YY1: variants seen among roughly 807,000 people sequenced by gnomAD.
YY1 encodes transcriptional repressor protein YY1.
A neutral mutation model predicts 35.6 loss-of-function variants in YY1; 2 were observed. The observed-to-expected ratio is 0.06, with a 90% confidence interval of 0.02 to 0.18. The LOEUF is 0.18. YY1 is among the 10% of genes least tolerant of loss of function. YY1 has a pLI of 1.00. For missense variants in YY1, 322 were observed against 573.4 expected, an observed-to-expected ratio of 0.56 and a Z score of 4.48; for synonymous variants, 268 against 238.9, an observed-to-expected ratio of 1.12 and a Z score of -1.12.
At chr14:100,258,361 C>T (rs545485899) in intron 1 of YY1, among the ~76,000 whole-genome samples, 1 of 152,112 alleles carries the variant, frequency 6.6e-6, no homozygotes, top group Non-Finnish European at 1.5e-5. Context: ...TATTTCCTGT[C>T]TCTTTTTCGG....
rs779865989 is a variant in YY1 at position 100,240,443 on chromosome 14, G to T, written c.679+520G>T. ...CATCGGCCGCTGGAGGGCGCCGCGG[G>T]CGCTTGCCCCGCCCGCCCCCAACTT... On this transcript the variant is annotated intron_variant, in intron 1 of 4. Coordinates refer to ENST00000262238, the MANE Select transcript of YY1 (RefSeq NM_003403.5). Among the ~76,000 whole-genome samples, 23 of 151,950 alleles carry T rather than the reference G, an allele frequency of 1.5e-4. No individual in the cohort carries two copies. The Middle Eastern group carries it at 0.01, about 68-fold the overall frequency.
chr14:100,251,772 C>T (rs1890928874), intron 1 of YY1, among the ~76,000 whole-genome samples: 2 of 152,134 alleles, frequency 1.3e-5, no homozygotes, highest in South Asian at 4.1e-4. Context: ...CCTCCCCTCC[C>T]CTCCCTTTGC....
chr14:100,255,024 A>G (rs1595320322), intron 1 of YY1, among the ~76,000 whole-genome samples: 1 of 126,946 alleles, frequency 7.9e-6, no homozygotes, highest in African/African-American at 3.1e-5. Flanking sequence ...GTCTCAAACT[A>G]CTGACCTCGT....
At chr14:100,258,425 T>C (rs1276889025) in intron 1 of YY1, among the ~76,000 whole-genome samples, 1 of 152,228 alleles carries the variant, frequency 6.6e-6, no homozygotes, top group Non-Finnish European at 1.5e-5. Context: ...ATAGTCTTCA[T>C]CTGTGAATGG....
Position 100,239,811 on chromosome 14 carries a change from GGCCGGCGCGGCGGGCGGCGGC to G in YY1, c.569_589del (p.Ala190_Gly196del), listed in dbSNP as rs748311304. 6.7e-7 allele frequency: 1 copy of G among 1,497,908 alleles called. No individual in the cohort carries two copies. The highest frequency in any genetic ancestry group is 1.3e-5 in the South Asian group (1 of 78,178). The allele number at this position is 1,497,908 out of a possible 1,614,324, so 92.8% of individuals were successfully genotyped here. ...GCAAGAAGAGTTACCTCAGCGGCGGGGCCGGCGCGGCGGGCGGCGGCGGCGCCGACCCGGGCAACAAGAAGT... is the reference window on the plus strand; with the variant it reads ...GCAAGAAGAGTTACCTCAGCGGCGGGGGCGCCGACCCGGGCAACAAGAAGT... On this transcript the variant is annotated inframe_deletion, in exon 1 of 5. Transcript: ENST00000262238.
rs1891350369 is a variant in YY1, at chr14:100,278,059, T to G, written c.*459T>G. On this transcript the variant is annotated 3_prime_UTR_variant, in exon 5 of 5. Transcript: ENST00000262238. ...TGCTACGTGTGATTTTTCTGGAGGT[T>G]GATAACTTTGCTTGCAGTAGATTTT... The G allele has an allele frequency of 1.3e-5, 2 of 157,464 alleles. No individual in the cohort carries two copies. Among genetic ancestry groups the G allele is most frequent in the African/African-American group, 4.8e-5 (2 of 41,488 alleles). The allele number at this position is 157,464 out of a possible 1,614,324, so 9.8% of individuals were successfully genotyped here. A position where few individuals can be genotyped will look rare whatever the true frequency, so the allele number is the denominator to read the frequency against.
At chr14:100,249,948 T>A (rs1243646923) in intron 1 of YY1, among the ~76,000 whole-genome samples, 1 of 151,936 alleles carries the variant, frequency 6.6e-6, no homozygotes, top group African/African-American at 2.4e-5. Flanking sequence ...TAATTTTGTA[T>A]TTTTAGTAGA....
At position 100,239,568 on chromosome 14, in the gene YY1, G is replaced by A. The variant is rs998663917; in HGVS notation, c.324G>A (p.Thr108=). 1.2e-6 allele frequency: 2 copies of A among 1,612,624 alleles called. No individual in the cohort carries two copies. The highest frequency in any genetic ancestry group is 1.7e-5 in the Admixed American group (1 of 59,994). The part of the protein sequence containing the change: ...HHHQEVILVQ[T]REEVVGGDDS... ...ACCAGGAGGTGATCCTGGTGCAGAC[G>A]CGCGAGGAGGTGGTGGGCGGCGACG... is the stretch of plus-strand genomic sequence containing the variant. The change falls in exon 1 of 5, where the codon ACG becomes ACA. Residue 108 remains threonine (T), a synonymous_variant. Transcript: ENST00000262238.
At chr14:100,270,234 G>T (rs1435145587) in intron 2 of YY1, among the ~76,000 whole-genome samples, 1 of 118,324 alleles carries the variant, frequency 8.5e-6, no homozygotes, top group Non-Finnish European at 1.6e-5. Flanking sequence ...CTGCACTCCA[G>T]CCTGGGCGAC....
In YY1 at chr14:100,248,679, C is replaced by CTTT. The variant is rs11415073; in HGVS notation, c.679+8777_679+8779dup. ...CATTCCACCCAGCTTGAGTAAAATTCTTTTTTTTTTTTTTTTTTTTTTTAT... is the reference window on the plus strand; with the variant it reads ...CATTCCACCCAGCTTGAGTAAAATTCTTTTTTTTTTTTTTTTTTTTTTTTTTAT... On this transcript the variant is annotated intron_variant, in intron 1 of 4. Transcript: ENST00000262238. Among the ~76,000 whole-genome samples the CTTT allele has an allele frequency of 9.8e-3, 1,033 of 104,950 alleles. 16 individuals carry two copies. The highest frequency in any genetic ancestry group is 0.031 in the African/African-American group (852 of 27,246). 68.9% of individuals were successfully genotyped at this position (104,950 alleles called of 152,430 possible).
Position 100,276,155 on chromosome 14 carries a change from G to T in YY1, c.904-335G>T. 2.5e-5 allele frequency: 9 copies of T among 359,546 alleles called. No homozygotes were observed. The highest frequency in any genetic ancestry group is 2.1e-4 in the South Asian group (9 of 42,134). 22.3% of individuals were successfully genotyped at this position (359,546 alleles called of 1,614,324 possible). ...TTCATTTTGGGGGACATAGTCGGGT[G>T]AGGTGGCTGTGGTAGAGCTGGAAGC... On this transcript the variant is annotated intron_variant, in intron 3 of 4. Coordinates refer to ENST00000262238, the MANE Select transcript of YY1 (RefSeq NM_003403.5). This position sits in a 1 kb window ranked among gnomAD's most constrained non-coding sequence, Gnocchi z 4.1.
intron 1 of YY1, among the ~76,000 whole-genome samples, chr14:100,243,165 G>C (rs1890776839): frequency 6.6e-6 from 1 of 152,196 alleles, no homozygotes; most frequent in Admixed American, 6.6e-5. Flanking sequence ...CTTCAGAACT[G>C]AAATGACGTG....
rs1455197825 is a variant in YY1, at chr14:100,280,312, CAT to C, written c.*2715_*2716del. The C allele has an allele frequency of 6.6e-6, 1 of 152,138 alleles. No individual in the cohort carries two copies. The highest frequency in any genetic ancestry group is 1.5e-5 in the Non-Finnish European group (1 of 68,020). The allele number at this position is 152,138 out of a possible 1,614,324, so 9.4% of individuals were successfully genotyped here. On this transcript the variant is annotated 3_prime_UTR_variant, in exon 5 of 5. Coordinates refer to ENST00000262238, the MANE Select transcript of YY1 (RefSeq NM_003403.5). ...CTGATTTATAAGTAATACTGATAGA[CAT>C]ATTTTCGTACATCTGAGCAGAAATA... is the stretch of plus-strand genomic sequence containing the variant.
intron 1 of YY1, among the ~76,000 whole-genome samples, chr14:100,240,491 C>G (rs903784967): frequency 6.6e-6 from 1 of 151,268 alleles, no homozygotes; most frequent in Non-Finnish European, 1.5e-5. Context: ...AACTGCTCCC[C>G]GGTGGCACCT....
chr14:100,242,368 TTTG>T (rs1441236119), intron 1 of YY1, among the ~76,000 whole-genome samples: 2 of 56,610 alleles, frequency 3.5e-5, no homozygotes, highest in African/African-American at 8.1e-5. Flanking sequence ...GCTGTTTTGT[TTTG>T]TTTTTTGTTT....
At chr14:100,268,943 A>G (rs896014718) in intron 2 of YY1, among the ~76,000 whole-genome samples, 1 of 152,202 alleles carries the variant, frequency 6.6e-6, no homozygotes, top group Non-Finnish European at 1.5e-5. Flanking sequence ...GGTTTACACA[A>G]TGCTCTGCTG....
At chr14:100,271,800 A>G (rs1891242256) in intron 2 of YY1, among the ~76,000 whole-genome samples, 1 of 152,048 alleles carries the variant, frequency 6.6e-6, no homozygotes, top group Non-Finnish European at 1.5e-5. Context: ...ATGTGCCACC[A>G]CGCCTGGCTA....
In YY1 at chr14:100,239,785, G is replaced by A. The variant is rs1890698312; in HGVS notation, c.541G>A (p.Gly181Ser). The part of the protein sequence containing the change: ...RVKKGGGKKS[G>S]KKSYLSGGAG... The stretch of plus-strand genomic sequence containing the variant: ...CAAGAAGGGCGGCGGCAAGAAGAGC[G>A]GCAAGAAGAGTTACCTCAGCGGCGG... The change falls in exon 1 of 5, where the codon GGC becomes AGC. Residue 181 changes from glycine (G) to serine (S), a missense_variant. Gly to Ser is a moderately conservative substitution (Grantham distance 56). Around this residue, in one of 4 missense-constraint regions of YY1, gnomAD observed 152 missense variants for 167.1 expected, o/e 0.91. Coordinates refer to ENST00000262238, the MANE Select transcript of YY1 (RefSeq NM_003403.5). The A allele has an allele frequency of 1.3e-6, 2 of 1,555,844 alleles. No homozygotes were observed. The highest frequency in any genetic ancestry group is 1.7e-6 in the Non-Finnish European group (2 of 1,153,232).
chr14:100,245,590 G>A (rs1484581121), intron 1 of YY1, among the ~76,000 whole-genome samples: 1 of 152,098 alleles, frequency 6.6e-6, no homozygotes, highest in Non-Finnish European at 1.5e-5. Flanking sequence ...TTACATAGGA[G>A]TAACAGTTGT....
Sources: allele counts gnomAD v4.1 joint callset (sites outside exome capture counted in the v4.1 genomes callset), GRCh38; gene constraint gnomAD v4.1.1; regional missense constraint gnomAD v4.1.1; non-coding constraint Gnocchi (gnomAD v3.1); transcripts MANE v1.5; gene names NCBI Gene and HGNC (gene_info 2026-07-23, HGNC 2026-07-21).